The following SMYD3 variants were observed in gnomAD, a reference collection of about 807,000 sequenced individuals.
SMYD3 encodes SET and MYND domain containing 3.
Under a neutral mutation model 57.7 loss-of-function variants are expected in SMYD3, and 36 were observed. The ratio of observed to expected loss-of-function variants is 0.62; its 90% CI spans 0.48 to 0.82. SMYD3 has a LOEUF of 0.82. SMYD3 is among the 40% of genes least tolerant of loss of function. The pLI is 0.00. For synonymous variants in SMYD3, 211 were observed against 195.0 expected, an observed-to-expected ratio of 1.08 and a Z score of -0.68; for missense variants, 515 against 538.8, an observed-to-expected ratio of 0.96 and a Z score of 0.44.
At chr1:246,185,683 G>C (rs147907583) in intron 5 of SMYD3, among the ~76,000 whole-genome samples, 2 of 152,018 alleles carry the variant, frequency 1.3e-5, no homozygotes, top group Admixed American at 1.3e-4. Flanking sequence ...GGATGGTCTC[G>C]ATCTCCTGAT....
chr1:246,454,106 GATCATTCAACT>G (rs1218019290), intron 1 of SMYD3, among the ~76,000 whole-genome samples: 5 of 152,124 alleles, frequency 3.3e-5, no homozygotes, highest in African/African-American at 9.7e-5. Context: ...AAAAAGTAAG[GATCATTCAACT>G]ATGAAATGAG....
chr1:245,823,356 C>T (rs553490247), intron 10 of SMYD3, among the ~76,000 whole-genome samples: 11 of 64,280 alleles, frequency 1.7e-4, no homozygotes, highest in African/African-American at 2.6e-4. Flanking sequence ...TGCTCGCTCT[C>T]GCTCTCTCTC....
intron 5 of SMYD3, among the ~76,000 whole-genome samples, chr1:246,097,386 G>A (rs114538452): frequency 0.014 from 2,062 of 152,216 alleles, 47 homozygotes; most frequent in African/African-American, 0.048. Flanking sequence ...GCAGGATGCC[G>A]AGATGGTTCC....
At chr1:245,997,636 G>A (rs936731108) in intron 5 of SMYD3, among the ~76,000 whole-genome samples, 3 of 152,130 alleles carry the variant, frequency 2.0e-5, no homozygotes, top group Non-Finnish European at 4.4e-5. Context: ...CTTTCTCCAG[G>A]CCAGCAGGCT....
chr1:245,871,924 T>C (rs1479792923), intron 8 of SMYD3, among the ~76,000 whole-genome samples: 2 of 152,160 alleles, frequency 1.3e-5, no homozygotes, highest in East Asian at 3.9e-4. Context: ...CACATTACAA[T>C]GTAATCAACA....
intron 5 of SMYD3, among the ~76,000 whole-genome samples, chr1:246,175,638 G>A (rs549978360): frequency 1.8e-4 from 28 of 152,070 alleles, no homozygotes; most frequent in South Asian, 4.1e-4. Context: ...CACTCAATTT[G>A]GGGAAACAGA....
intron 5 of SMYD3, among the ~76,000 whole-genome samples, chr1:246,061,981 A>T (rs1267915199): frequency 6.6e-6 from 1 of 152,168 alleles, no homozygotes; most frequent in Non-Finnish European, 1.5e-5. Context: ...TGAAAAAGGG[A>T]AGTGAATTGA....
intron 1 of SMYD3, among the ~76,000 whole-genome samples, chr1:246,360,790 A>C (rs1023569981): frequency 2.6e-5 from 4 of 152,360 alleles, no homozygotes; most frequent in Non-Finnish European, 5.9e-5. Flanking sequence ...CCTTACACAA[A>C]AATCAACTCA....
intron 5 of SMYD3, among the ~76,000 whole-genome samples, chr1:246,196,163 T>A (rs2062828741): frequency 6.6e-6 from 1 of 152,132 alleles, no homozygotes; most frequent in East Asian, 1.9e-4. Context: ...TGGGCAGGGG[T>A]GATATTTGCC....
chr1:246,285,043 C>T (rs2994267), intron 5 of SMYD3, among the ~76,000 whole-genome samples: 60,427 of 150,774 alleles, frequency 0.4, 12,675 homozygotes, highest in East Asian at 0.73. Context: ...CGGTGATTTG[C>T]GAGATTTTGA....
At chr1:245,781,809 A>C (rs940134728) in intron 10 of SMYD3, among the ~76,000 whole-genome samples, 1 of 152,046 alleles carries the variant, frequency 6.6e-6, no homozygotes, top group South Asian at 2.1e-4. Flanking sequence ...GTCTCCACTA[A>C]AAGTCCAAAT....
At chr1:246,416,218 G>C (rs1261602770) in intron 1 of SMYD3, among the ~76,000 whole-genome samples, 1 of 152,138 alleles carries the variant, frequency 6.6e-6, no homozygotes, top group African/African-American at 2.4e-5. Context: ...ATATGAGACA[G>C]CAGTTCTGCC....
chr1:246,397,966 G>T (rs1435140314), intron 1 of SMYD3, among the ~76,000 whole-genome samples: 5 of 150,012 alleles, frequency 3.3e-5, no homozygotes, highest in Non-Finnish European at 5.9e-5. Context: ...AGGGGAGAAA[G>T]AACAACAACA....
intron 1 of SMYD3, among the ~76,000 whole-genome samples, chr1:246,409,107 T>C (rs2066917734): frequency 6.6e-6 from 1 of 152,162 alleles, no homozygotes; most frequent in Non-Finnish European, 1.5e-5. Context: ...TTGCAAAAAT[T>C]TTCTCCCATT....
At chr1:245,846,642 C>T (rs1205562115) in intron 10 of SMYD3, among the ~76,000 whole-genome samples, 1 of 152,238 alleles carries the variant, frequency 6.6e-6, no homozygotes, top group African/African-American at 2.4e-5. Context: ...CCTTCTCACT[C>T]TGGCTGTGAG....
rs12760070 is a variant in SMYD3, at chr1:245,850,185, T to G, written c.1076+8311A>C. On this transcript the variant is annotated intron_variant, in intron 10 of 11. Transcript: ENST00000490107. ...CCTGGCCAGATGTAAAGCCACTAAC[T>G]TCATATTACAGGCTTTCTTGGCTCC... 9.8e-3 allele frequency among the ~76,000 whole-genome samples: 1,485 copies of G among 152,240 alleles called. 13 individuals carry two copies. The highest frequency in any genetic ancestry group is 0.015 in the Non-Finnish European group (994 of 68,010).
intron 1 of SMYD3, among the ~76,000 whole-genome samples, chr1:246,365,642 G>A (rs2066089273): frequency 6.6e-6 from 1 of 151,992 alleles, no homozygotes; most frequent in Non-Finnish European, 1.5e-5. Flanking sequence ...AAGTAGGACA[G>A]TAAAACCTAA....
intron 7 of SMYD3, among the ~76,000 whole-genome samples, chr1:245,917,781 C>T (rs948694351): frequency 3.3e-5 from 5 of 151,986 alleles, no homozygotes; most frequent in African/African-American, 9.7e-5. Flanking sequence ...GTAATCATGG[C>T]GGTATGTGTG....
chr1:245,762,795 T>TA (rs1377369440), intron 11 of SMYD3, among the ~76,000 whole-genome samples: 1 of 152,174 alleles, frequency 6.6e-6, no homozygotes, highest in African/African-American at 2.4e-5. Context: ...CTGCCAGTGT[T>TA]TTGGGATCAG....
Sources: allele counts gnomAD v4.1 joint callset (sites outside exome capture counted in the v4.1 genomes callset), GRCh38; gene constraint gnomAD v4.1.1; transcripts MANE v1.5; gene names NCBI Gene and HGNC (gene_info 2026-07-23, HGNC 2026-07-21).